Variants in INF2 observed in about 807,000 individuals in gnomAD.
INF2 encodes inverted formin 2.
Under a neutral mutation model 123.5 loss-of-function variants are expected in INF2, and 43 were observed. The observed-to-expected ratio is 0.35, with a 90% CI of 0.27 to 0.45. INF2 has a LOEUF of 0.45. Ranked by LOEUF, INF2 falls within the 20% of genes least tolerant of loss-of-function variation. The pLI is 1.00. For missense variants in INF2, 1,453 were observed against 1,682.7 expected, an observed-to-expected ratio of 0.86 and a Z score of 2.39; for synonymous variants, 851 against 745.0, an observed-to-expected ratio of 1.14 and a Z score of -2.32.
chr14:104,717,335 G>GC (rs1339629404), intron 22 of INF2, among the ~76,000 whole-genome samples: 33 of 86,916 alleles, frequency 3.8e-4, no homozygotes, highest in African/African-American at 4.5e-4. Flanking sequence ...CTCCTAGTCC[G>GC]CCCCCCCGGG....
At position 104,722,268 on chromosome 14, in the gene INF2, C is replaced by T. The variant is rs1180346103; in HGVS notation, c.*3475C>T. ...GCCCGTGGCTATTTATAGTCCGGGC[C>T]TGGAGAAGTCAGTGAGTCACTAGCG... On this transcript the variant is annotated 3_prime_UTR_variant, in exon 23 of 23. Coordinates refer to ENST00000392634, the MANE Select transcript of INF2 (RefSeq NM_022489.4). 1 of 152,286 alleles carries T rather than the reference C, an allele frequency of 6.6e-6. No individual in the cohort carries two copies. The highest frequency in any genetic ancestry group is 1.5e-5 in the Non-Finnish European group (1 of 68,090). The allele number at this position is 152,286 out of a possible 1,614,324, so 9.4% of individuals were successfully genotyped here. A position where few individuals can be genotyped will look rare whatever the true frequency, so the allele number is the denominator to read the frequency against.
chr14:104,691,274 T>G (rs979940411), intron 1 of INF2: 4 of 152,244 alleles, frequency 2.6e-5, no homozygotes, highest in Admixed American at 6.5e-5. Context: ...GTTGGAAAAG[T>G]TATGCGGTTC....
chr14:104,717,057 C>T (rs1890330785), intron 22 of INF2, among the ~76,000 whole-genome samples: 1 of 152,246 alleles, frequency 6.6e-6, no homozygotes, highest in Non-Finnish European at 1.5e-5. Flanking sequence ...TGAACAACAC[C>T]TTCTCCCCGA....
At position 104,715,267 on chromosome 14, in the gene INF2, C is replaced by A. The variant is rs778194694; in HGVS notation, c.3695-17C>A. ...GTGTGATAAGCCGTTGAGTGCGTTT[C>A]TTTTATTTGGAAGCAGAGGTTCCCC... On this transcript the variant is annotated splice_polypyrimidine_tract_variant and intron_variant, in intron 21 of 22. Transcript: ENST00000392634. 6.2e-7 allele frequency: 1 copy of A among 1,613,318 alleles called. No homozygotes were observed. Among genetic ancestry groups the A allele is most frequent in the Non-Finnish European group, 8.5e-7 (1 of 1,179,492 alleles).
Position 104,709,271 on chromosome 14 carries a change from C to A in INF2, c.1950-10C>A, listed in dbSNP as rs199987321. The A allele has an allele frequency of 2.5e-6, 4 of 1,609,686 alleles. No homozygotes were observed. The African/African-American group carries it at 4.0e-5, about 16-fold the overall frequency. ...TCACTCACCCCTGCCCGGTCCTCTC[C>A]CTGCTCCAGCTCCAACGAGGAGGTC... On this transcript the variant is annotated splice_polypyrimidine_tract_variant and intron_variant, in intron 10 of 22. Transcript: ENST00000392634.
intron 1 of INF2, among the ~76,000 whole-genome samples, chr14:104,693,749 A>C (rs1889061064): frequency 6.6e-6 from 1 of 152,070 alleles, no homozygotes; most frequent in Non-Finnish European, 1.5e-5. Context: ...CTGTGCGAGG[A>C]GGGCCAGCAT....
rs780247558 is a variant in INF2, at chr14:104,703,306, C to T, written c.519C>T (p.Ser173=). Residue 173 remains serine (S), a synonymous_variant, in exon 4 of 23, where the codon AGC becomes AGT. Transcript: ENST00000392634. The part of the protein sequence containing the change: ...DALDHYKTVC[S]QQYRFSIVMN... Reference sequence around the variant, plus strand: ...CGCCCTCCCCACAGACGGTGTGCAGCCAGCAGTACCGCTTCAGCATTGTCA... The same window carrying T: ...CGCCCTCCCCACAGACGGTGTGCAGTCAGCAGTACCGCTTCAGCATTGTCA... The T allele has an allele frequency of 3.3e-5, 54 of 1,613,032 alleles. No individual in the cohort carries two copies. Among genetic ancestry groups the T allele is most frequent in the Middle Eastern group, 1.6e-4 (1 of 6,082 alleles).
Position 104,719,897 on chromosome 14 carries a change from T to C in INF2, c.*1104T>C, listed in dbSNP as rs1260402635. The C allele has an allele frequency of 2.6e-5, 4 of 152,256 alleles. No individual in the cohort carries two copies. Among genetic ancestry groups the C allele is most frequent in the Non-Finnish European group, 4.4e-5 (3 of 68,096 alleles). 9.4% of individuals were successfully genotyped at this position (152,256 alleles called of 1,614,324 possible). A position where few individuals can be genotyped will look rare whatever the true frequency, so the allele number is the denominator to read the frequency against. The stretch of plus-strand genomic sequence containing the variant: ...CCCAGTGGTGAACCGCATCCAACAG[T>C]GGTGAGATGGGTGCAGCTCTACAGG... On this transcript the variant is annotated 3_prime_UTR_variant, in exon 23 of 23. Coordinates refer to ENST00000392634, the MANE Select transcript of INF2 (RefSeq NM_022489.4).
chr14:104,707,269 G>A lies in INF2; in HGVS notation c.1002G>A (p.Leu334=). The A allele has an allele frequency of 6.2e-7, 1 of 1,609,778 alleles. No homozygotes were observed. The highest frequency in any genetic ancestry group is 8.5e-7 in the Non-Finnish European group (1 of 1,178,666). ...CTACTGCAGCCCAGGAATGCACCCT[G>A]GAGGAAGTGGTTGAGCGGCTCCTGT... ...LLASDAQECT[L]EEVVERLLSV... Residue 334 remains leucine, a synonymous_variant, in exon 8 of 23, where the codon CTG becomes CTA. Transcript: ENST00000392634.
chr14:104,702,341 G>A (rs1889563477), intron 2 of INF2, among the ~76,000 whole-genome samples: 1 of 152,198 alleles, frequency 6.6e-6, no homozygotes, highest in Non-Finnish European at 1.5e-5. Flanking sequence ...CTCTGCTCGT[G>A]TTTTCTGCCT....
chr14:104,717,279 G>A (rs757537867), intron 22 of INF2, among the ~76,000 whole-genome samples: 15 of 130,840 alleles, frequency 1.1e-4, no homozygotes, highest in African/African-American at 3.3e-4. Context: ...GGCAGGGTGC[G>A]CTGCCGTCCT....
chr14:104,710,122 G>T lies in INF2; in HGVS notation c.2173G>T (p.Glu725Ter), dbSNP rs1162457210. 1 of 1,553,164 alleles carries T rather than the reference G, an allele frequency of 6.4e-7. No individual in the cohort carries two copies. ...GCGAATCGAGTGCATGCTGCTGTGTGAGGGCGCGGCCGCCGTGCTGGACAT... is the reference window on the plus strand; with the variant it reads ...GCGAATCGAGTGCATGCTGCTGTGTTAGGGCGCGGCCGCCGTGCTGGACAT... The part of the protein sequence containing the change: ...QLRIECMLLC[E>*]GAAAVLDMVR... Residue 725 changes from glutamate to a stop codon, truncating the protein, a stop_gained, in exon 13 of 23, where the codon GAG becomes TAG. Transcript: ENST00000392634. LOFTEE classifies it high-confidence loss of function.
chr14:104,706,566 C>T (rs563922443), intron 6 of INF2, among the ~76,000 whole-genome samples: 10 of 152,298 alleles, frequency 6.6e-5, no homozygotes, highest in African/African-American at 2.4e-4. Flanking sequence ...TCTCGTCAAG[C>T]TCAGGCCTTC....
chr14:104,714,877 G>C lies in INF2; in HGVS notation c.3694+21G>C, dbSNP rs775044428. 4.6e-6 allele frequency: 7 copies of C among 1,522,698 alleles called. No individual in the cohort carries two copies. In the East Asian group the frequency reaches 1.4e-4, roughly 31 times the overall value. The allele number at this position is 1,522,698 out of a possible 1,614,324, so 94.3% of individuals were successfully genotyped here. ...GGAAGGTAACTCAGGGAGGGGCCCC[G>C]GGCACCGTCCCACGCCAGGGCGCTG... On this transcript the variant is annotated intron_variant, in intron 21 of 22. Coordinates refer to ENST00000392634, the MANE Select transcript of INF2 (RefSeq NM_022489.4).
Position 104,713,430 on chromosome 14 carries a change from C to A in INF2, c.2879-15C>A. 6.2e-7 allele frequency: 1 copy of A among 1,607,044 alleles called. No homozygotes were observed. Among genetic ancestry groups the A allele is most frequent in the Non-Finnish European group, 8.5e-7 (1 of 1,177,578 alleles). ...AGGGTCCCATGCCGCTCTCTGAGTG[C>A]CCCACGCTCCTCAGTCAGGAAGGGG... On this transcript the variant is annotated splice_polypyrimidine_tract_variant and intron_variant, in intron 19 of 22. Transcript: ENST00000392634.
chr14:104,701,779 C>G, intron 2 of INF2, 23 bp downstream of exon 2: 1 of 1,465,416 alleles, frequency 6.8e-7, no homozygotes, highest in Non-Finnish European at 9.0e-7. Flanking sequence ...GTGGGAGGGC[C>G]GCCCAGGCGG....
intron 8 of INF2, 86 bp downstream of exon 8, chr14:104,708,088 C>T (rs1595171971): frequency 2.1e-5 from 33 of 1,578,416 alleles, no homozygotes; most frequent in Non-Finnish European, 2.6e-5. Flanking sequence ...GCACATGGAA[C>T]TTGTGTGCGC....
rs947913026 is a variant in INF2, at chr14:104,720,412, C to T, written c.*1619C>T. On this transcript the variant is annotated 3_prime_UTR_variant, in exon 23 of 23. Transcript: ENST00000392634. ...CTGCTGTGGACGTCTGCGTCGTCCT[C>T]GTGTGGATGCTGCTGTGGACGTCTG... is the stretch of plus-strand genomic sequence containing the variant. The T allele has an allele frequency of 1.6e-5, 2 of 126,014 alleles. No individual in the cohort carries two copies. Among genetic ancestry groups the T allele is most frequent in the African/African-American group, 3.2e-5 (1 of 31,168 alleles). The allele number at this position is 126,014 out of a possible 1,614,324, so 7.8% of individuals were successfully genotyped here.
chr14:104,707,477 A>G lies in INF2; in HGVS notation c.1210A>G (p.Ser404Gly), dbSNP rs776536088. The change falls in exon 8 of 23, where the codon AGC becomes GGC. Residue 404 changes from serine (S) to glycine (G), a missense_variant. Around this residue, in one of 8 missense-constraint regions of INF2, gnomAD observed 374 missense variants for 303.7 expected, o/e 1.23. Coordinates refer to ENST00000392634, the MANE Select transcript of INF2 (RefSeq NM_022489.4). ...CEPVDHAQSE[S>G]ILKVSQPRAL... ...GCCCGTGGACCACGCCCAGAGTGAGAGCATCCTGAAAGTTTCGCAGCCCAG... is the reference window on the plus strand; with the variant it reads ...GCCCGTGGACCACGCCCAGAGTGAGGGCATCCTGAAAGTTTCGCAGCCCAG... 3.9e-6 allele frequency: 6 copies of G among 1,551,354 alleles called. No homozygotes were observed. Among genetic ancestry groups the G allele is most frequent in the Non-Finnish European group, 5.2e-6 (6 of 1,148,106 alleles).
Sources: allele counts gnomAD v4.1 joint callset (sites outside exome capture counted in the v4.1 genomes callset), GRCh38; gene constraint gnomAD v4.1.1; regional missense constraint gnomAD v4.1.1; transcripts MANE v1.5; gene names NCBI Gene and HGNC (gene_info 2026-07-23, HGNC 2026-07-21).